The following LIMCH1 variants were observed in gnomAD, a reference collection of about 807,000 sequenced individuals.
LIMCH1 encodes LIM and calponin homology domains 1.
LIMCH1 carries 113 observed loss-of-function variants against 176.5 expected under a neutral mutation model. The ratio of observed to expected loss-of-function variants is 0.64; its 90% CI spans 0.55 to 0.75. LIMCH1 has a LOEUF of 0.75. Ranked by LOEUF, LIMCH1 falls within the 30% of genes least tolerant of loss-of-function variation. LIMCH1 has a pLI of 0.00. For synonymous variants in LIMCH1, 619 were observed against 645.9 expected (o/e 0.96, Z 0.63); for missense variants, 1,674 against 1,814.9 (o/e 0.92, Z 1.41).
At chr4:41,472,969 C>T in intron 1 of LIMCH1, 1 of 943,400 alleles carries the variant, frequency 1.1e-6, no homozygotes. Context: ...TTGGGAAATG[C>T]TGCTGTAAGC....
At chr4:41,683,163 A>AGTGAATAAT (rs1717683892) in intron 26 of LIMCH1, among the ~76,000 whole-genome samples, 1 of 152,096 alleles carries the variant, frequency 6.6e-6, no homozygotes, top group African/African-American at 2.4e-5. Context: ...GTGGACCTGA[A>AGTGAATAAT]GTTGGCCATT....
At chr4:41,501,630 G>T (rs1157879086) in intron 2 of LIMCH1, among the ~76,000 whole-genome samples, 2 of 152,112 alleles carry the variant, frequency 1.3e-5, no homozygotes, top group Non-Finnish European at 2.9e-5. Flanking sequence ...TCATTCTAGA[G>T]AAGGGACAGG....
intron 26 of LIMCH1, 140 bp from the exon 27 acceptor site, chr4:41,684,257 T>TTTTAAAATAGA: frequency 3.1e-6 from 2 of 649,748 alleles, no homozygotes; most frequent in Non-Finnish European, 4.8e-6. Context: ...TTTAAATCTA[T>TTTTAAAATAGA]TTTAAAATAG....
At chr4:41,476,446 G>A (rs555466170) in intron 1 of LIMCH1, among the ~76,000 whole-genome samples, 4 of 152,314 alleles carry the variant, frequency 2.6e-5, no homozygotes, top group Non-Finnish European at 4.4e-5. Context: ...GCCTGAGCAA[G>A]GTTCACTCCT....
chr4:41,402,168 A>G (rs2058512450), intron 1 of LIMCH1, among the ~76,000 whole-genome samples: 1 of 152,230 alleles, frequency 6.6e-6, no homozygotes, highest in South Asian at 2.1e-4. Context: ...TGGGCAAAGG[A>G]TATGAACAGA....
chr4:41,472,642 C>T (rs1331579109), intron 1 of LIMCH1, among the ~76,000 whole-genome samples: 1 of 152,008 alleles, frequency 6.6e-6, no homozygotes, highest in Non-Finnish European at 1.5e-5. Context: ...TGGTCTCAAA[C>T]TCCTGGGCTA....
At chr4:41,604,433 T>G (rs1204306232) in intron 3 of LIMCH1, among the ~76,000 whole-genome samples, 10 of 152,252 alleles carry the variant, frequency 6.6e-5, no homozygotes, top group Non-Finnish European at 5.9e-5. Flanking sequence ...TGTTTTATTT[T>G]CAGTTTAGAT....
rs143021410 is a variant in LIMCH1, at chr4:41,563,922, G to T, written c.-241+25572G>T. 4.5e-3 allele frequency among the ~76,000 whole-genome samples: 680 copies of T among 152,298 alleles called. 4 individuals are homozygous for T. Among genetic ancestry groups the T allele is most frequent in the African/African-American group, 0.015 (634 of 41,568 alleles). On this transcript the variant is annotated intron_variant, in intron 1 of 31. Coordinates refer to ENST00000503057, the MANE Select transcript of LIMCH1 (RefSeq NM_001330672.2). Reference sequence around the variant, plus strand: ...CTCCTGTCAAATTTAAGTCAGGAGTGTTGGACTTCTTAGCAGTCCTCTTCT... The same window carrying T: ...CTCCTGTCAAATTTAAGTCAGGAGTTTTGGACTTCTTAGCAGTCCTCTTCT...
chr4:41,423,754 G>A (rs978849262), intron 1 of LIMCH1, among the ~76,000 whole-genome samples: 1 of 152,206 alleles, frequency 6.6e-6, no homozygotes, highest in Non-Finnish European at 1.5e-5. Flanking sequence ...ATTCTTGGGT[G>A]AGGGCTGAGA....
At chr4:41,386,309 C>T (rs1340394418) in intron 1 of LIMCH1, among the ~76,000 whole-genome samples, 2 of 152,158 alleles carry the variant, frequency 1.3e-5, no homozygotes, top group East Asian at 3.9e-4. Context: ...AGTGCTCAGG[C>T]ATAGATCCTG....
At chr4:41,403,341 G>T (rs1419176152) in intron 1 of LIMCH1, among the ~76,000 whole-genome samples, 2 of 152,152 alleles carry the variant, frequency 1.3e-5, no homozygotes, top group African/African-American at 2.4e-5. Context: ...AGCAGTTTGG[G>T]AGGCTGAGGC....
At position 41,501,857 on chromosome 4, in the gene LIMCH1, CTTTTTTTT is replaced by C. The variant is rs71198662; in HGVS notation, c.167+7273_167+7280del. 8.1e-4 allele frequency among the ~76,000 whole-genome samples: 61 copies of C among 74,976 alleles called. 1 individual carries two copies. Among genetic ancestry groups the C allele is most frequent in the Middle Eastern group, 9.8e-3 (1 of 102 alleles). The allele number at this position is 74,976 out of a possible 152,430, so 49.2% of individuals were successfully genotyped here. A position where few individuals can be genotyped will look rare whatever the true frequency, so the allele number is the denominator to read the frequency against. ...CACTCTCATCTCCCGGTGTAGAATC[CTTTTTTTT>C]TTTTTTTTTTTTTTTTTTTTTAAAA... is the stretch of plus-strand genomic sequence containing the variant. On this transcript the variant is annotated intron_variant, in intron 2 of 26. Transcript: ENST00000313860.
chr4:41,529,354 A>T (rs1266202589), intron 3 of LIMCH1, among the ~76,000 whole-genome samples: 1 of 152,248 alleles, frequency 6.6e-6, no homozygotes, highest in Non-Finnish European at 1.5e-5. Context: ...ACATATGCAC[A>T]TGTGAAGTAT....
chr4:41,567,876 C>T (rs1472664290), intron 1 of LIMCH1, among the ~76,000 whole-genome samples: 2 of 152,106 alleles, frequency 1.3e-5, no homozygotes, highest in Non-Finnish European at 2.9e-5. Context: ...AGCTATAGGC[C>T]GGGCGTGGTG....
Position 41,599,001 on chromosome 4 carries a change from G to T in LIMCH1, c.-159G>T. 6.2e-7 allele frequency: 1 copy of T among 1,610,048 alleles called. No homozygotes were observed. Among genetic ancestry groups the T allele is most frequent in the Non-Finnish European group, 8.5e-7 (1 of 1,176,610 alleles). On this transcript the variant is annotated 5_prime_UTR_variant, in exon 2 of 32. Transcript: ENST00000503057. ...ACTTTTTGACCCGAGTGACCTCCAG[G>T]ATACATCCAACAGAGTAACAGTCAA...
chr4:41,425,440 G>A (rs2060991358), intron 1 of LIMCH1, among the ~76,000 whole-genome samples: 1 of 152,132 alleles, frequency 6.6e-6, no homozygotes, highest in South Asian at 2.1e-4. Flanking sequence ...CCCGCCTCCC[G>A]GGTTCAAGCG....
intron 26 of LIMCH1, among the ~76,000 whole-genome samples, chr4:41,683,701 A>T (rs1393401237): frequency 6.6e-6 from 1 of 152,152 alleles, no homozygotes; most frequent in Non-Finnish European, 1.5e-5. Context: ...GTTAAATTGT[A>T]AGCTACAGGT....
intron 1 of LIMCH1, among the ~76,000 whole-genome samples, chr4:41,444,488 T>A (rs1171468598): frequency 6.6e-6 from 1 of 152,206 alleles, no homozygotes; most frequent in African/African-American, 2.4e-5. Context: ...TCAGTGGACC[T>A]TGAACTATTT....
chr4:41,454,536 A>G (rs1561423522), intron 1 of LIMCH1, among the ~76,000 whole-genome samples: 1 of 152,020 alleles, frequency 6.6e-6, no homozygotes, highest in Non-Finnish European at 1.5e-5. Flanking sequence ...AGGTGTGGCC[A>G]GCTGTTCGTT....
Sources: gnomAD v4.1 joint callset for allele counts (sites outside exome capture counted in the v4.1 genomes callset) on GRCh38, gnomAD v4.1.1 for gene constraint, MANE v1.5 for transcripts, NCBI Gene and HGNC (gene_info 2026-07-23, HGNC 2026-07-21) for gene names.